Variants in TFRC observed in about 807,000 individuals in gnomAD.
The protein encoded by TFRC is transferrin receptor protein 1.
A neutral mutation model predicts 85.8 loss-of-function variants in TFRC; 35 were observed. That is an observed-to-expected ratio of 0.41 (90% CI 0.31 to 0.54). The LOEUF (loss-of-function observed/expected upper bound fraction) is 0.54, where lower values mean the gene tolerates loss of function less well. Among genes scored for constraint, TFRC ranks in the 20% least tolerant of loss-of-function variants. The pLI, the probability that TFRC is intolerant of heterozygous loss-of-function variation, is 0.31. For synonymous variants in TFRC, 362 were observed against 328.6 expected, an observed-to-expected ratio of 1.10 and a Z score of -1.10; for missense variants, 828 against 921.5, an observed-to-expected ratio of 0.90 and a Z score of 1.31.
intron 1 of TFRC, among the ~76,000 whole-genome samples, chr3:196,079,125 T>C (rs764440736): frequency 6.6e-6 from 1 of 152,062 alleles, no homozygotes. Context: ...CTTTTGCCCC[T>C]TCTGTTACAA....
intron 1 of TFRC, among the ~76,000 whole-genome samples, chr3:196,079,567 G>A (rs1718994323): frequency 1.3e-5 from 2 of 151,668 alleles, no homozygotes. Flanking sequence ...AGGGAGCCGA[G>A]ATCACACCAT....
At chr3:196,054,861 A>T (rs41297543) in intron 17 of TFRC, among the ~76,000 whole-genome samples, 29 of 152,298 alleles carry the variant, frequency 1.9e-4, no homozygotes, top group African/African-American at 7.0e-4. Flanking sequence ...ACTGCTCTGG[A>T]TTCTGAAACA....
Position 196,051,829 on chromosome 3 carries a change from G to T in TFRC, c.*113C>A. On this transcript the variant is annotated 3_prime_UTR_variant, in exon 19 of 19. Transcript: ENST00000360110. Reference sequence around the variant, plus strand: ...AGACATCTAGTAGTACCAAGATGATGGGATGGAATTTTAACATCAGGTTTT... The same window carrying T: ...AGACATCTAGTAGTACCAAGATGATTGGATGGAATTTTAACATCAGGTTTT... 7.7e-7 allele frequency: 1 copy of T among 1,295,628 alleles called. No individual in the cohort carries two copies. The highest frequency in any genetic ancestry group is 2.3e-5 in the East Asian group (1 of 43,036). 80.3% of individuals were successfully genotyped at this position (1,295,628 alleles called of 1,614,324 possible).
Position 196,055,085 on chromosome 3 carries a change from T to A in TFRC, c.1894A>T (p.Ile632Leu). ...VRDLNQYRAD[I>L]KEMGLSLQWL... ...TAATTGGAATCAGTGCTCACCTTTA[T>A]GTCTGCTCTGTATTGGTTCAGATCC... The change falls in exon 17 of 19, where the codon ATA (isoleucine) becomes TTA (leucine). Residue 632 changes from isoleucine (I) to leucine (L), a missense_variant. By Grantham distance (5) the Ile-to-Leu change is conservative. Coordinates refer to ENST00000360110, the MANE Select transcript of TFRC (RefSeq NM_001128148.3). 1 of 1,614,054 alleles carries A rather than the reference T, an allele frequency of 6.2e-7. No homozygotes were observed. Among genetic ancestry groups the A allele is most frequent in the Non-Finnish European group, 8.5e-7 (1 of 1,179,980 alleles).
intron 18 of TFRC, among the ~76,000 whole-genome samples, chr3:196,052,835 A>G (rs34906439): frequency 0.31 from 47,869 of 151,994 alleles, 7,666 homozygotes; most frequent in South Asian, 0.34. Flanking sequence ...AAAGGAGGCT[A>G]GGCACAGCGG....
At chr3:196,055,013 G>T (rs1481802991) in intron 17 of TFRC, 67 bp downstream of exon 17, 2 of 1,459,324 alleles carry the variant, frequency 1.4e-6, no homozygotes, top group Non-Finnish European at 9.6e-7. Flanking sequence ...GAACACACAG[G>T]AACACATCAC....
intron 8 of TFRC, 115 bp downstream of exon 8, chr3:196,067,917 C>G: frequency 1.2e-6 from 1 of 852,790 alleles, no homozygotes; most frequent in South Asian, 1.8e-5. Context: ...TTACTGCTAA[C>G]GCCCTCCCAG....
At position 196,058,365 on chromosome 3, in the gene TFRC, A is replaced by C. The variant is rs1403423205; in HGVS notation, c.1596T>G (p.Val532=). 1.2e-6 allele frequency: 2 copies of C among 1,613,326 alleles called. No individual in the cohort carries two copies. Among genetic ancestry groups the C allele is most frequent in the Middle Eastern group, 3.3e-4 (2 of 6,062 alleles). The change falls in exon 16 of 19, where the codon GTT becomes GTG. Residue 532 remains valine, a splice_region_variant and synonymous_variant. Coordinates refer to ENST00000360110, the MANE Select transcript of TFRC (RefSeq NM_001128148.3). ...LYQDSNWASK[V]EKLTLDNAAF... is the part of the protein sequence containing the mutation. The stretch of plus-strand genomic sequence containing the variant: ...CAGCATTGTCTAAAGTGAGTTTCTC[A>C]CTGCAAAGACAAAGAATGTGTCTTT...
intron 10 of TFRC, 147 bp from the exon 11 acceptor site, chr3:196,064,575 G>T (rs1310073708): frequency 5.8e-6 from 4 of 692,234 alleles, no homozygotes; most frequent in Non-Finnish European, 8.2e-6. Flanking sequence ...AAAACTCTGG[G>T]AATTAAAAAT....
chr3:196,067,988 A>T, intron 8 of TFRC, 44 bp downstream of exon 8: 1 of 1,504,582 alleles, frequency 6.6e-7, no homozygotes, highest in African/African-American at 1.4e-5. Context: ...TCCAAGAACA[A>T]CTCAAGGAAC....
chr3:196,057,181 C>T lies in TFRC; in HGVS notation c.1677+1103G>A, dbSNP rs182418191. On this transcript the variant is annotated intron_variant, in intron 16 of 18. Coordinates refer to ENST00000360110, the MANE Select transcript of TFRC (RefSeq NM_001128148.3). ...GTAAAAACTAAAAGGCAGAGGTGGACAGCCCAGCGCTGCCGCACCCTGGTC... is the reference window on the plus strand; with the variant it reads ...GTAAAAACTAAAAGGCAGAGGTGGATAGCCCAGCGCTGCCGCACCCTGGTC... Among the ~76,000 whole-genome samples, 16 of 152,342 alleles carry T rather than the reference C, an allele frequency of 1.1e-4. No individual in the cohort carries two copies. In the East Asian group the frequency reaches 2.1e-3, roughly 20 times the overall value.
intron 17 of TFRC, among the ~76,000 whole-genome samples, chr3:196,054,120 C>T (rs1716575022): frequency 6.6e-6 from 1 of 152,174 alleles, no homozygotes; most frequent in Admixed American, 6.5e-5. Flanking sequence ...CACCTGTAGT[C>T]CCAGCTACTC....
chr3:196,057,746 A>C (rs541479666), intron 16 of TFRC, among the ~76,000 whole-genome samples: 2 of 147,466 alleles, frequency 1.4e-5, no homozygotes, highest in African/African-American at 2.5e-5. Context: ...GGGCCACTGC[A>C]CCCCAGCCTG....
rs1458370562 is a variant in TFRC at position 196,079,483 on chromosome 3, G to A, written c.-23-2361C>T. Among the ~76,000 whole-genome samples, 4 of 152,076 alleles carry A rather than the reference G, an allele frequency of 2.6e-5. No homozygotes were observed. The East Asian group carries it at 5.8e-4, about 22-fold the overall frequency. On this transcript the variant is annotated intron_variant, in intron 1 of 18. Coordinates refer to ENST00000360110, the MANE Select transcript of TFRC (RefSeq NM_001128148.3). ...TACAAAATTAGCCGGGCATGGTGGC[G>A]CATGCCTGTAATCCCAGCTACTGGG...
intron 5 of TFRC, among the ~76,000 whole-genome samples, 184 bp downstream of exon 5, chr3:196,071,818 CA>C (rs1718233402): frequency 6.6e-6 from 1 of 152,198 alleles, no homozygotes. Context: ...GCAGGAGAAT[CA>C]CTTGAACCCA....
chr3:196,059,360 T>G (rs958932264), intron 14 of TFRC, among the ~76,000 whole-genome samples: 2 of 152,128 alleles, frequency 1.3e-5, no homozygotes, highest in African/African-American at 4.8e-5. Flanking sequence ...CCATGGTGGC[T>G]TACCCACAAT....
At chr3:196,070,229 G>A (rs1234783569) in intron 6 of TFRC, among the ~76,000 whole-genome samples, 1 of 151,570 alleles carries the variant, frequency 6.6e-6, no homozygotes, top group South Asian at 2.1e-4. Flanking sequence ...AGCCCCGAAA[G>A]GTATCCACTA....
chr3:196,055,305 C>T lies in TFRC; in HGVS notation c.1678-4G>A, dbSNP rs419068. On this transcript the variant is annotated splice_region_variant and splice_polypyrimidine_tract_variant and intron_variant, in intron 16 of 18. Coordinates refer to ENST00000360110, the MANE Select transcript of TFRC (RefSeq NM_001128148.3). ...CCAAATAAGGATAATCTGTGTCCTG[C>T]AAGACAACGCGAGGCTATGGTACTC... 510,128 of 1,611,246 alleles carry T rather than the reference C, an allele frequency of 0.32. 82,012 individuals are homozygous for T. The highest frequency in any genetic ancestry group is 0.36 in the South Asian group (32,961 of 91,032).
intron 3 of TFRC, 113 bp downstream of exon 3, chr3:196,075,046 C>CACA (rs768098902): frequency 3.7e-6 from 2 of 535,706 alleles, no homozygotes; most frequent in African/African-American, 6.3e-5. Context: ...CCTCTGTCTC[C>CACA]AAAAAAAAAA....
Sources: allele counts gnomAD v4.1 joint callset (sites outside exome capture counted in the v4.1 genomes callset), GRCh38; gene constraint gnomAD v4.1.1; transcripts MANE v1.5; gene names NCBI Gene and HGNC (gene_info 2026-07-23, HGNC 2026-07-21).